The following RBFOX1 variants were observed in gnomAD, a reference collection of about 807,000 sequenced individuals.
RBFOX1 encodes RNA binding fox-1 homolog 1, also known as RNA binding protein fox-1 homolog 1.
In RBFOX1, 8 loss-of-function variants were observed where a neutral mutation model predicts 57.7. The observed-to-expected ratio is 0.14, with a 90% CI of 0.08 to 0.25. RBFOX1 has a LOEUF of 0.25. RBFOX1 is among the 10% of genes least tolerant of loss of function. The pLI, the probability that RBFOX1 is intolerant of heterozygous loss-of-function variation, is 1.00. For synonymous variants in RBFOX1, 326 were observed against 222.4 expected (o/e 1.47, Z -4.15); for missense variants, 611 against 548.5 (o/e 1.11, Z -1.14).
intron 2 of RBFOX1, among the ~76,000 whole-genome samples, chr16:6,418,410 G>C (rs531509267): frequency 6.6e-6 from 1 of 152,136 alleles, no homozygotes; most frequent in East Asian, 1.9e-4. Flanking sequence ...CTATAAACCT[G>C]GGAGTTATAA....
At chr16:6,075,166 C>G (rs148819529) in intron 1 of RBFOX1, among the ~76,000 whole-genome samples, 1 of 152,116 alleles carries the variant, frequency 6.6e-6, no homozygotes, top group Non-Finnish European at 1.5e-5. Flanking sequence ...ACTTGAACAA[C>G]GTCAGACACG....
At chr16:7,170,108 A>T (rs999582303) in intron 4 of RBFOX1, among the ~76,000 whole-genome samples, 1 of 152,140 alleles carries the variant, frequency 6.6e-6, no homozygotes, top group South Asian at 2.1e-4. Context: ...TATTTGGTGT[A>T]TGCATGCTGG....
intron 2 of RBFOX1, among the ~76,000 whole-genome samples, chr16:6,559,985 G>C (rs1283672123): frequency 6.6e-6 from 1 of 152,034 alleles, no homozygotes; most frequent in Non-Finnish European, 1.5e-5. Flanking sequence ...TTTGTCACAG[G>C]CCATTGTTCT....
chr16:6,951,621 T>A (rs977632223), intron 3 of RBFOX1, among the ~76,000 whole-genome samples: 1 of 152,174 alleles, frequency 6.6e-6, no homozygotes, highest in Non-Finnish European at 1.5e-5. Flanking sequence ...TTTCTCATGG[T>A]GATTTCAGGG....
chr16:6,359,743 C>G (rs1203344955), intron 2 of RBFOX1, among the ~76,000 whole-genome samples: 2 of 152,232 alleles, frequency 1.3e-5, no homozygotes, highest in Admixed American at 6.5e-5. Flanking sequence ...TGTATATAAG[C>G]CAGCCTTATA....
chr16:5,306,208 T>C (rs1272877359), intron 1 of RBFOX1, among the ~76,000 whole-genome samples: 2 of 152,102 alleles, frequency 1.3e-5, no homozygotes, highest in African/African-American at 4.8e-5. Flanking sequence ...TCCAAAAAAC[T>C]AAATAAATAA....
intron 3 of RBFOX1, among the ~76,000 whole-genome samples, chr16:6,740,489 C>T (rs528845495): frequency 3.9e-5 from 6 of 152,248 alleles, no homozygotes; most frequent in South Asian, 2.1e-4. Context: ...AGAGTAAACA[C>T]CAAAAATTTA....
At chr16:7,153,459 G>A (rs977631473) in intron 4 of RBFOX1, among the ~76,000 whole-genome samples, 1 of 152,044 alleles carries the variant, frequency 6.6e-6, no homozygotes, top group Non-Finnish European at 1.5e-5. Context: ...TCTGTTGGCC[G>A]GGCAAGGTGG....
chr16:6,993,412 G>A (rs1471788920), intron 3 of RBFOX1, among the ~76,000 whole-genome samples: 1 of 152,182 alleles, frequency 6.6e-6, no homozygotes, highest in East Asian at 1.9e-4. Context: ...TTCAGGATTT[G>A]TAGAGCATAT....
chr16:5,304,827 A>G (rs917646411), intron 1 of RBFOX1, among the ~76,000 whole-genome samples: 3 of 98,580 alleles, frequency 3.0e-5, no homozygotes, highest in African/African-American at 9.2e-5. Flanking sequence ...TTAGCCATAT[A>G]AAGTGATTTT....
At chr16:5,531,092 T>C (rs1334107002) in intron 2 of RBFOX1, among the ~76,000 whole-genome samples, 1 of 151,784 alleles carries the variant, frequency 6.6e-6, no homozygotes, top group African/African-American at 2.4e-5. Context: ...GCCACTGCAC[T>C]CCAGCCTGGG....
intron 3 of RBFOX1, among the ~76,000 whole-genome samples, chr16:5,619,122 T>G (rs2048130483): frequency 6.6e-6 from 1 of 152,086 alleles, no homozygotes; most frequent in African/African-American, 2.4e-5. Context: ...CATGGGAAAA[T>G]TGTCCATTTT....
chr16:6,690,299 G>A (rs1173422173), intron 3 of RBFOX1, among the ~76,000 whole-genome samples: 1 of 152,048 alleles, frequency 6.6e-6, no homozygotes, highest in Admixed American at 6.6e-5. Context: ...GATAATATGT[G>A]TGTTTTTAAG....
chr16:5,241,077 C>T (rs1224232500), intron 1 of RBFOX1, among the ~76,000 whole-genome samples: 1 of 152,234 alleles, frequency 6.6e-6, no homozygotes, highest in African/African-American at 2.4e-5. Flanking sequence ...TAATGAGCCC[C>T]ACATGGGAGA....
intron 2 of RBFOX1, among the ~76,000 whole-genome samples, chr16:6,614,179 G>A (rs8059785): frequency 6.6e-6 from 1 of 152,112 alleles, no homozygotes; most frequent in Non-Finnish European, 1.5e-5. Flanking sequence ...ATATCATTCA[G>A]ATCTTGTTTC....
chr16:5,436,658 T>C (rs888326369), intron 1 of RBFOX1, among the ~76,000 whole-genome samples: 2 of 152,068 alleles, frequency 1.3e-5, no homozygotes, highest in Admixed American at 1.3e-4. Context: ...GCCAACATGG[T>C]GAAACCCCAT....
chr16:5,344,723 A>G (rs1238693997), intron 1 of RBFOX1, among the ~76,000 whole-genome samples: 3 of 152,218 alleles, frequency 2.0e-5, no homozygotes, highest in African/African-American at 7.2e-5. Flanking sequence ...AATATTTGAT[A>G]CATTTTTGGT....
chr16:5,454,894 CTTT>C (rs879293138), intron 1 of RBFOX1, among the ~76,000 whole-genome samples: 1,519 of 84,594 alleles, frequency 0.018, 90 homozygotes, highest in Middle Eastern at 0.027. Context: ...TTCTTTCTTT[CTTT>C]CTTTCTTTCT....
At chr16:6,862,332 T>C (rs2059166097) in intron 3 of RBFOX1, among the ~76,000 whole-genome samples, 1 of 152,186 alleles carries the variant, frequency 6.6e-6, no homozygotes, top group Non-Finnish European at 1.5e-5. Flanking sequence ...CAGGCGATGC[T>C]GATCGTGCAG....
Sources: allele counts gnomAD v4.1 joint callset (sites outside exome capture counted in the v4.1 genomes callset), GRCh38; gene constraint gnomAD v4.1.1; transcripts MANE v1.5; gene names NCBI Gene and HGNC (gene_info 2026-07-23, HGNC 2026-07-21).